Variants in YTHDC1 observed in about 807,000 individuals in gnomAD.
YTHDC1 encodes the protein YTH N6-methyladenosine RNA binding protein C1.
A neutral mutation model predicts 107.0 loss-of-function variants in YTHDC1; 12 were observed. That is an observed-to-expected ratio of 0.11 (90% CI 0.07 to 0.18). The LOEUF is 0.18. YTHDC1 is among the 10% of genes least tolerant of loss of function. The probability of loss-of-function intolerance (pLI) is 1.00; values close to 1 mark genes in which losing one functional copy is unlikely to be tolerated. For synonymous variants in YTHDC1, 280 were observed against 289.5 expected, an observed-to-expected ratio of 0.97 and a Z score of 0.33; for missense variants, 635 against 898.8, an observed-to-expected ratio of 0.71 and a Z score of 3.75.
intron 4 of YTHDC1, among the ~76,000 whole-genome samples, chr4:68,335,322 C>A (rs981680368): frequency 2.0e-5 from 3 of 151,900 alleles, no homozygotes; most frequent in Non-Finnish European, 2.9e-5. Flanking sequence ...TAATATAGTA[C>A]CTAAAGCATG....
chr4:68,330,155 CTAATA>C, intron 8 of YTHDC1, 36 bp from the exon 9 acceptor site: 1 of 1,576,438 alleles, frequency 6.3e-7, no homozygotes, highest in Non-Finnish European at 8.7e-7. Context: ...TATGTAGATG[CTAATA>C]TAATTAATGT....
At chr4:68,347,228 A>G (rs1054088684) in intron 1 of YTHDC1, among the ~76,000 whole-genome samples, 1 of 152,256 alleles carries the variant, frequency 6.6e-6, no homozygotes, top group African/African-American at 2.4e-5. Context: ...CATTTTGGAT[A>G]GATTAAACTT....
intron 11 of YTHDC1, among the ~76,000 whole-genome samples, chr4:68,321,350 C>T (rs957444310): frequency 1.3e-5 from 2 of 152,122 alleles, no homozygotes; most frequent in Non-Finnish European, 2.9e-5. Context: ...AAATTAAAAG[C>T]TGGTTTAAAA....
At chr4:68,316,564 T>C in intron 15 of YTHDC1, 116 bp from the exon 16 acceptor site, 1 of 1,212,226 alleles carries the variant, frequency 8.2e-7, no homozygotes, top group Non-Finnish European at 1.1e-6. Context: ...TACTAGACAT[T>C]TACTTTGATG....
rs1289272064 is a variant in YTHDC1, at chr4:68,335,974, TAG to T, written c.883+1051_883+1052del. Among the ~76,000 whole-genome samples, 282 of 149,278 alleles carry T rather than the reference TAG, an allele frequency of 1.9e-3. 1 individual carries two copies. Among genetic ancestry groups the T allele is most frequent in the African/African-American group, 6.7e-3 (275 of 41,022 alleles). On this transcript the variant is annotated intron_variant, in intron 4 of 16. Coordinates refer to ENST00000344157, the MANE Select transcript of YTHDC1 (RefSeq NM_001031732.4). The stretch of plus-strand genomic sequence containing the variant: ...TGCTCTACCTATACTGTATGTAGTA[TAG>T]ATATATACTATCCATATAGTATAAA...
At chr4:68,349,492 GCAT>G (rs1279314347) in intron 1 of YTHDC1, among the ~76,000 whole-genome samples, 4 of 151,948 alleles carry the variant, frequency 2.6e-5, no homozygotes, top group Non-Finnish European at 5.9e-5. Context: ...CGTGAAATCC[GCAT>G]CAAAGAAAAA....
At chr4:68,335,592 T>C (rs182965328) in intron 4 of YTHDC1, among the ~76,000 whole-genome samples, 9 of 152,128 alleles carry the variant, frequency 5.9e-5, no homozygotes, top group African/African-American at 2.2e-4. Flanking sequence ...ATGTAAACAA[T>C]ACAAACATTA....
intron 9 of YTHDC1, among the ~76,000 whole-genome samples, chr4:68,326,750 C>A (rs1723032080): frequency 6.6e-6 from 1 of 151,766 alleles, no homozygotes; most frequent in Non-Finnish European, 1.5e-5. Context: ...GCCACCACAT[C>A]TGGCTAATTT....
chr4:68,322,941 A>T lies in YTHDC1; in HGVS notation c.1435-26T>A. 6.2e-7 allele frequency: 1 copy of T among 1,607,232 alleles called. No individual in the cohort carries two copies. The highest frequency in any genetic ancestry group is 8.5e-7 in the Non-Finnish European group (1 of 1,175,032). Reference sequence around the variant, plus strand: ...CTAGAATAGGAAAGTAGCAATTTATAAAACAAAAACAGACCCTTTCAACAG... The same window carrying T: ...CTAGAATAGGAAAGTAGCAATTTATTAAACAAAAACAGACCCTTTCAACAG... On this transcript the variant is annotated intron_variant, in intron 10 of 16. Coordinates refer to ENST00000344157, the MANE Select transcript of YTHDC1 (RefSeq NM_001031732.4). This position sits in a 1 kb window ranked among gnomAD's most constrained non-coding sequence, Gnocchi z 4.8.
intron 1 of YTHDC1, among the ~76,000 whole-genome samples, chr4:68,339,748 G>GA (rs200471519): frequency 1.3e-5 from 2 of 151,994 alleles, no homozygotes; most frequent in East Asian, 3.9e-4. Context: ...CAAGTTAAAT[G>GA]AAAAAATTAT....
chr4:68,324,804 T>G (rs1178894427), intron 9 of YTHDC1, among the ~76,000 whole-genome samples: 1 of 152,178 alleles, frequency 6.6e-6, no homozygotes, highest in Non-Finnish European at 1.5e-5. Context: ...TAAATGCATA[T>G]ATTTATATTA....
chr4:68,338,388 C>A lies in YTHDC1; in HGVS notation c.29-4G>T. On this transcript the variant is annotated splice_polypyrimidine_tract_variant and splice_region_variant and intron_variant, in intron 1 of 16. Transcript: ENST00000344157. ...TCCAGAACATTAAGTTCTCCATCTG[C>A]AAATAAAATTAAAAATTAATAGGGA... 1 of 1,575,988 alleles carries A rather than the reference C, an allele frequency of 6.3e-7. No individual in the cohort carries two copies. Among genetic ancestry groups the A allele is most frequent in the Non-Finnish European group, 8.6e-7 (1 of 1,163,098 alleles).
chr4:68,325,090 A>G (rs1722840402), intron 9 of YTHDC1, among the ~76,000 whole-genome samples: 1 of 152,206 alleles, frequency 6.6e-6, no homozygotes, highest in African/African-American at 2.4e-5. Flanking sequence ...CAAAATAAAT[A>G]AACACTTTAA....
intron 9 of YTHDC1, among the ~76,000 whole-genome samples, chr4:68,327,167 C>T (rs1010581350): frequency 1.3e-5 from 2 of 151,814 alleles, no homozygotes; most frequent in South Asian, 2.1e-4. Flanking sequence ...ACCCGGGAGG[C>T]GGAAGTTGTG....
intron 13 of YTHDC1, 21 bp from the exon 14 acceptor site, chr4:68,318,750 G>T: frequency 3.7e-6 from 6 of 1,614,060 alleles, no homozygotes; most frequent in Non-Finnish European, 5.1e-6. Flanking sequence ...TAAGATTTGT[G>T]AAACTAAATT....
chr4:68,323,549 A>T (rs1248148130), intron 10 of YTHDC1, among the ~76,000 whole-genome samples: 1 of 152,188 alleles, frequency 6.6e-6, no homozygotes, highest in Non-Finnish European at 1.5e-5. Context: ...CAAAATGGTG[A>T]AACCCTGTCT....
At position 68,314,554 on chromosome 4, in the gene YTHDC1, A is replaced by G. The variant is rs186308910; in HGVS notation, c.1960-231T>C. Among the ~76,000 whole-genome samples the G allele has an allele frequency of 4.3e-3, 656 of 152,332 alleles. 5 individuals carry two copies. Among genetic ancestry groups the G allele is most frequent in the African/African-American group, 0.014 (600 of 41,568 alleles). On this transcript the variant is annotated intron_variant, in intron 16 of 16. Transcript: ENST00000344157. ...AAGGATGATGCCTCATTAGACATCT[A>G]CAACAGATTATTCAAATCTCTTTAT... is the stretch of plus-strand genomic sequence containing the variant.
chr4:68,325,320 AAAAT>A (rs1170960492), intron 9 of YTHDC1, among the ~76,000 whole-genome samples: 1 of 152,164 alleles, frequency 6.6e-6, no homozygotes, highest in African/African-American at 2.4e-5. Context: ...GAAAGAAAGA[AAAAT>A]AATCACAAAA....
At position 68,312,174 on chromosome 4, in the gene YTHDC1, C is replaced by T. The variant is rs114086281; in HGVS notation, c.*1925G>A. On this transcript the variant is annotated 3_prime_UTR_variant, in exon 17 of 17. Transcript: ENST00000344157. ...AAAGTGATGAGGTGGTTTAGAAACA[C>T]CAAATAAAAACATGGGTAAAATCTT... 465 of 152,206 alleles carry T rather than the reference C, an allele frequency of 3.1e-3. 2 individuals are homozygous for T. Among genetic ancestry groups the T allele is most frequent in the African/African-American group, 0.011 (443 of 41,524 alleles). The allele number at this position is 152,206 out of a possible 1,614,324, so 9.4% of individuals were successfully genotyped here.
Sources: allele counts gnomAD v4.1 joint callset (sites outside exome capture counted in the v4.1 genomes callset), GRCh38; gene constraint gnomAD v4.1.1; non-coding constraint Gnocchi (gnomAD v3.1); transcripts MANE v1.5; gene names NCBI Gene and HGNC (gene_info 2026-07-23, HGNC 2026-07-21).